OPCML: variants seen among roughly 807,000 people sequenced by gnomAD.
The protein encoded by OPCML is opioid binding protein/cell adhesion molecule like.
In OPCML, 13 loss-of-function variants were observed where a neutral mutation model predicts 37.8. The ratio of observed to expected loss-of-function variants is 0.34; its 90% CI spans 0.22 to 0.55. The LOEUF (loss-of-function observed/expected upper bound fraction) is 0.55, where lower values mean the gene tolerates loss of function less well. Among genes scored for constraint, OPCML ranks in the 20% least tolerant of loss-of-function variants. The pLI is 0.91. For synonymous variants in OPCML, 176 were observed against 168.8 expected (o/e 1.04, Z -0.33); for missense variants, 341 against 435.6 (o/e 0.78, Z 1.93).
At chr11:133,237,178 T>G (rs926388910) in intron 1 of OPCML, among the ~76,000 whole-genome samples, 2 of 152,196 alleles carry the variant, frequency 1.3e-5, no homozygotes, top group East Asian at 1.9e-4. Context: ...CTCTTGCTTC[T>G]TGTTTCAAAG....
chr11:133,200,930 C>G (rs946073149), intron 1 of OPCML, among the ~76,000 whole-genome samples: 1 of 152,134 alleles, frequency 6.6e-6, no homozygotes, highest in African/African-American at 2.4e-5. Flanking sequence ...TACATACACA[C>G]TATGGAATAC....
intron 3 of OPCML, among the ~76,000 whole-genome samples, chr11:132,547,006 A>T (rs1318071692): frequency 6.6e-6 from 1 of 152,182 alleles, no homozygotes; most frequent in Non-Finnish European, 1.5e-5. Flanking sequence ...GCAAACAAAC[A>T]CATCTGTGGA....
chr11:133,307,179 T>A (rs1328376151), intron 1 of OPCML, among the ~76,000 whole-genome samples: 1 of 151,834 alleles, frequency 6.6e-6, no homozygotes, highest in African/African-American at 2.4e-5. Context: ...TAAAAGTAAA[T>A]GAATGTCAGA....
At chr11:133,532,224 T>A in intron 1 of OPCML, 40 bp downstream of exon 1, 1 of 1,606,766 alleles carries the variant, frequency 6.2e-7, no homozygotes, top group Non-Finnish European at 8.5e-7. Context: ...CGTCGTACAA[T>A]CACCCCAGGG....
chr11:132,635,110 T>C (rs1054075788), intron 3 of OPCML, among the ~76,000 whole-genome samples: 1 of 152,188 alleles, frequency 6.6e-6, no homozygotes, highest in African/African-American at 2.4e-5. Flanking sequence ...TGTGGAGTAG[T>C]TCTTCTGGAA....
intron 1 of OPCML, among the ~76,000 whole-genome samples, chr11:132,964,395 G>C (rs1307454439): frequency 6.6e-6 from 1 of 152,178 alleles, no homozygotes; most frequent in Non-Finnish European, 1.5e-5. Context: ...CAATCCTTCA[G>C]ATGTGGGTTC....
chr11:133,162,564 G>T (rs889856989), intron 1 of OPCML, among the ~76,000 whole-genome samples: 1 of 151,578 alleles, frequency 6.6e-6, no homozygotes, highest in Non-Finnish European at 1.5e-5. Flanking sequence ...TGCCGCTGCC[G>T]GCTTGTTTAG....
At chr11:133,458,847 G>A (rs113570438) in intron 1 of OPCML, among the ~76,000 whole-genome samples, 2,535 of 134,892 alleles carry the variant, frequency 0.019, 252 homozygotes, top group African/African-American at 0.074. Context: ...ACACATAGAT[G>A]CACGTGTGTG....
At chr11:133,022,442 G>A (rs1947472416) in intron 1 of OPCML, among the ~76,000 whole-genome samples, 1 of 151,610 alleles carries the variant, frequency 6.6e-6, no homozygotes, top group Admixed American at 6.6e-5. Context: ...TGGGCTTTCA[G>A]TGTGACCATC....
At chr11:133,204,627 C>T (rs1171390595) in intron 1 of OPCML, among the ~76,000 whole-genome samples, 2 of 151,820 alleles carry the variant, frequency 1.3e-5, no homozygotes, top group African/African-American at 4.8e-5. Flanking sequence ...CCTAAACTGA[C>T]AATTAGTTTC....
intron 2 of OPCML, among the ~76,000 whole-genome samples, chr11:132,923,189 C>G (rs749338287): frequency 6.6e-6 from 1 of 152,074 alleles, no homozygotes; most frequent in Non-Finnish European, 1.5e-5. Context: ...AGAACTAGTT[C>G]ATTCCCCCTG....
intron 2 of OPCML, among the ~76,000 whole-genome samples, chr11:132,938,180 T>C (rs1945455929): frequency 6.6e-6 from 1 of 152,148 alleles, no homozygotes; most frequent in Admixed American, 6.5e-5. Flanking sequence ...AAACCAATAC[T>C]TATTTGTTGT....
At chr11:132,849,030 G>A (rs974961733) in intron 2 of OPCML, among the ~76,000 whole-genome samples, 3 of 152,154 alleles carry the variant, frequency 2.0e-5, no homozygotes, top group South Asian at 2.1e-4. Flanking sequence ...TGCTTAATGG[G>A]ACCACAGCAT....
At chr11:133,280,132 C>A (rs953545916) in intron 1 of OPCML, among the ~76,000 whole-genome samples, 4 of 152,180 alleles carry the variant, frequency 2.6e-5, no homozygotes, top group Non-Finnish European at 5.9e-5. Context: ...AATCATCAGG[C>A]AAAATAGTTG....
chr11:133,011,840 T>C (rs1947223998), intron 1 of OPCML, among the ~76,000 whole-genome samples: 1 of 152,212 alleles, frequency 6.6e-6, no homozygotes, highest in Non-Finnish European at 1.5e-5. Flanking sequence ...GCAAATAGCA[T>C]GCATTGAAAG....
intron 2 of OPCML, among the ~76,000 whole-genome samples, chr11:132,806,529 T>A (rs1939022339): frequency 6.6e-6 from 1 of 152,050 alleles, no homozygotes; most frequent in South Asian, 2.1e-4. Context: ...TAGTGCATGA[T>A]AAAAGAGCAA....
At chr11:132,811,025 C>T (rs1014603698) in intron 2 of OPCML, among the ~76,000 whole-genome samples, 42 of 152,272 alleles carry the variant, frequency 2.8e-4, no homozygotes, top group African/African-American at 9.6e-4. Context: ...CTAACCTGAT[C>T]GGTTCACTGT....
chr11:132,823,243 G>A (rs367647735), intron 2 of OPCML, among the ~76,000 whole-genome samples: 102 of 152,016 alleles, frequency 6.7e-4, no homozygotes, highest in Middle Eastern at 3.4e-3. Flanking sequence ...ACCTCCACAC[G>A]TCTTGCCATC....
At chr11:132,446,408 T>C (rs2096055338) in intron 4 of OPCML, among the ~76,000 whole-genome samples, 1 of 151,782 alleles carries the variant, frequency 6.6e-6, no homozygotes, top group Non-Finnish European at 1.5e-5. Flanking sequence ...GGCAGACAAA[T>C]GACTGAGGAT....
Sources: gnomAD v4.1 joint callset for allele counts (sites outside exome capture counted in the v4.1 genomes callset) on GRCh38, gnomAD v4.1.1 for gene constraint, MANE v1.5 for transcripts, NCBI Gene and HGNC (gene_info 2026-07-23, HGNC 2026-07-21) for gene names.